LMBR1: variants seen among roughly 807,000 people sequenced by gnomAD.
The protein encoded by LMBR1 is limb region 1 protein homolog.
A neutral mutation model predicts 73.9 loss-of-function variants in LMBR1; 52 were observed. That is an observed-to-expected ratio of 0.70 (90% CI 0.56 to 0.89). The LOEUF is 0.89. Ranked by LOEUF, LMBR1 falls within the 40% of genes least tolerant of loss-of-function variation. The probability of loss-of-function intolerance (pLI) is 0.00; values close to 1 mark genes in which losing one functional copy is unlikely to be tolerated. For synonymous variants in LMBR1, 215 were observed against 209.4 expected (o/e 1.03, Z -0.23); for missense variants, 539 against 579.8 (o/e 0.93, Z 0.72).
At position 156,883,146 on chromosome 7, in the gene LMBR1, A is replaced by C. The variant is rs573380360; in HGVS notation, c.66+9782T>G. Among the ~76,000 whole-genome samples the C allele has an allele frequency of 1.8e-4, 28 of 152,304 alleles. 1 individual carries two copies. In the South Asian group the frequency reaches 1.9e-3, roughly 10 times the overall value. On this transcript the variant is annotated intron_variant, in intron 1 of 16. Transcript: ENST00000353442. ...CCATGCATGGTGGCTCACACCTGTAATCCCAGCACTTTGGGAAGCCAAGGC... is the reference window on the plus strand; with the variant it reads ...CCATGCATGGTGGCTCACACCTGTACTCCCAGCACTTTGGGAAGCCAAGGC...
At chr7:156,860,926 T>A (rs1563556594) in intron 1 of LMBR1, among the ~76,000 whole-genome samples, 1 of 152,206 alleles carries the variant, frequency 6.6e-6, no homozygotes, top group Admixed American at 6.5e-5. Context: ...TAGCCTTCTG[T>A]CTGCTTTCAC....
chr7:156,711,977 C>T (rs531095840), intron 15 of LMBR1, among the ~76,000 whole-genome samples: 8 of 152,218 alleles, frequency 5.3e-5, no homozygotes, highest in East Asian at 1.9e-4. Flanking sequence ...AAAGCACAGA[C>T]GACTAAAGCA....
At chr7:156,861,420 T>C (rs577092700) in intron 1 of LMBR1, among the ~76,000 whole-genome samples, 1 of 152,264 alleles carries the variant, frequency 6.6e-6, no homozygotes, top group Non-Finnish European at 1.5e-5. Flanking sequence ...AACCATTTTT[T>C]CATCCTAAAC....
At chr7:156,710,860 C>T (rs1301669398) in intron 15 of LMBR1, among the ~76,000 whole-genome samples, 1 of 152,146 alleles carries the variant, frequency 6.6e-6, no homozygotes, top group Non-Finnish European at 1.5e-5. Context: ...GATTGGGGTC[C>T]TTACCTGTAG....
Position 156,678,808 on chromosome 7 carries a change from A to C in LMBR1, c.*5270T>G, listed in dbSNP as rs1268814422. On this transcript the variant is annotated 3_prime_UTR_variant, in exon 17 of 17. Coordinates refer to ENST00000353442, the MANE Select transcript of LMBR1 (RefSeq NM_022458.4). ...ATGAAGCCACTTCTTGTGCCTTCTC[A>C]CACATCCCTTTTTGCCTTTAAATCC... The C allele has an allele frequency of 6.6e-6, 1 of 152,224 alleles. No homozygotes were observed. Among genetic ancestry groups the C allele is most frequent in the East Asian group, 1.9e-4 (1 of 5,192 alleles). The allele number at this position is 152,224 out of a possible 1,614,324, so 9.4% of individuals were successfully genotyped here.
At chr7:156,812,675 T>C (rs1456287450) in intron 4 of LMBR1, among the ~76,000 whole-genome samples, 1 of 152,190 alleles carries the variant, frequency 6.6e-6, no homozygotes, top group Non-Finnish European at 1.5e-5. Context: ...AGGGCCTTCA[T>C]TTGCCAAAAA....
chr7:156,691,020 TAA>T (rs775494994), intron 15 of LMBR1, among the ~76,000 whole-genome samples: 1 of 152,178 alleles, frequency 6.6e-6, no homozygotes, highest in Admixed American at 6.5e-5. Flanking sequence ...TTGACAAATG[TAA>T]AAGAGTTTTA....
Position 156,681,584 on chromosome 7 carries a change from C to T in LMBR1, c.*2494G>A, listed in dbSNP as rs1379053418. On this transcript the variant is annotated 3_prime_UTR_variant, in exon 17 of 17. Coordinates refer to ENST00000353442, the MANE Select transcript of LMBR1 (RefSeq NM_022458.4). Reference sequence around the variant, plus strand: ...ATTAATAAGAATCTGCAAGTTTTCCCCAAGAAACTCTGGAACCATAGTGCC... The same window carrying T: ...ATTAATAAGAATCTGCAAGTTTTCCTCAAGAAACTCTGGAACCATAGTGCC... 2 of 153,382 alleles carry T rather than the reference C, an allele frequency of 1.3e-5. No individual in the cohort carries two copies. The highest frequency in any genetic ancestry group is 4.8e-5 in the African/African-American group (2 of 41,430). 9.5% of individuals were successfully genotyped at this position (153,382 alleles called of 1,614,324 possible). A position where few individuals can be genotyped will look rare whatever the true frequency, so the allele number is the denominator to read the frequency against.
intron 4 of LMBR1, among the ~76,000 whole-genome samples, chr7:156,803,296 A>C (rs1432334786): frequency 6.6e-6 from 1 of 151,948 alleles, no homozygotes; most frequent in Non-Finnish European, 1.5e-5. Flanking sequence ...AACTCAAACA[A>C]ATTTACAGGA....
chr7:156,734,186 T>G lies in LMBR1; in HGVS notation c.829A>C (p.Thr277Pro). The change falls in exon 10 of 17, where the codon ACA becomes CCA. Residue 277 changes from threonine (T) to proline (P), a missense_variant. By Grantham distance (38) the Thr-to-Pro change is conservative. Coordinates refer to ENST00000353442, the MANE Select transcript of LMBR1 (RefSeq NM_022458.4). ...AAAAAAAGTACAATACCTAATTTTG[T>G]CTTAAGAGTCTTTACATTTTCAAGT... ...QELENVKTLKTKLERRKKASA... is the reference protein window; with the variant it reads ...QELENVKTLKPKLERRKKASA... 1 of 1,604,158 alleles carries G rather than the reference T, an allele frequency of 6.2e-7. No individual in the cohort carries two copies. Among genetic ancestry groups the G allele is most frequent in the Admixed American group, 1.7e-5 (1 of 58,424 alleles).
chr7:156,788,295 C>A (rs1828524666), intron 5 of LMBR1, among the ~76,000 whole-genome samples: 1 of 152,112 alleles, frequency 6.6e-6, no homozygotes, highest in South Asian at 2.1e-4. Flanking sequence ...CAGTTTTGAT[C>A]AGCCAAATAC....
At chr7:156,872,794 C>T (rs1040933282) in intron 1 of LMBR1, among the ~76,000 whole-genome samples, 1 of 152,186 alleles carries the variant, frequency 6.6e-6, no homozygotes, top group African/African-American at 2.4e-5. Context: ...GATTGCAGCT[C>T]CCACTCAGAC....
intron 4 of LMBR1, among the ~76,000 whole-genome samples, chr7:156,816,123 T>C (rs2133684397): frequency 6.6e-6 from 1 of 152,276 alleles, no homozygotes; most frequent in South Asian, 2.1e-4. Context: ...CTCTTCTGAC[T>C]AACCAATACA....
intron 5 of LMBR1, among the ~76,000 whole-genome samples, chr7:156,775,105 C>T (rs1055055251): frequency 2.0e-5 from 3 of 152,122 alleles, no homozygotes; most frequent in Admixed American, 6.5e-5. Context: ...CGGTGGCTCA[C>T]GCCTGTAATC....
chr7:156,789,397 A>C lies in LMBR1; in HGVS notation c.423+6992T>G, dbSNP rs552397917. Among the ~76,000 whole-genome samples the C allele has an allele frequency of 5.9e-5, 9 of 152,342 alleles. No homozygotes were observed. The South Asian group carries it at 1.9e-3, about 32-fold the overall frequency. ...TTAAGTCGTATCATGTTAGTGACTT[A>C]AGTTTTAAAGAAAAGTAGATTTATC... On this transcript the variant is annotated intron_variant, in intron 5 of 16. Transcript: ENST00000353442.
chr7:156,698,336 G>A (rs1026708316), intron 15 of LMBR1, among the ~76,000 whole-genome samples: 1 of 152,192 alleles, frequency 6.6e-6, no homozygotes, highest in Non-Finnish European at 1.5e-5. Context: ...GGAAGATGGT[G>A]GCCCTCTTCT....
At chr7:156,785,353 A>T (rs1827878010) in intron 5 of LMBR1, among the ~76,000 whole-genome samples, 4 of 152,164 alleles carry the variant, frequency 2.6e-5, no homozygotes, top group African/African-American at 9.7e-5. Flanking sequence ...AATTGTAAAA[A>T]TTAGAATATT....
In LMBR1 at chr7:156,738,666, G is replaced by A. The variant is rs537047953; in HGVS notation, c.758-4409C>T. Among the ~76,000 whole-genome samples the A allele has an allele frequency of 3.3e-5, 5 of 152,318 alleles. No homozygotes were observed. The East Asian group carries it at 9.7e-4, about 29-fold the overall frequency. On this transcript the variant is annotated intron_variant, in intron 9 of 16. Coordinates refer to ENST00000353442, the MANE Select transcript of LMBR1 (RefSeq NM_022458.4). ...AATAGGGTACTGGGCACAGTCATGA[G>A]GGCCCCATTCTAGGCCCTAGCTTCT... is the stretch of plus-strand genomic sequence containing the variant.
At chr7:156,671,172 A>T (rs961155166) in intron 4 of LMBR1, among the ~76,000 whole-genome samples, 1 of 152,248 alleles carries the variant, frequency 6.6e-6, no homozygotes, top group Admixed American at 6.5e-5. Flanking sequence ...AATTGAAAAG[A>T]GCAAAAATTA....
Sources: gnomAD v4.1 joint callset for allele counts (sites outside exome capture counted in the v4.1 genomes callset) on GRCh38, gnomAD v4.1.1 for gene constraint, MANE v1.5 for transcripts, NCBI Gene and HGNC (gene_info 2026-07-23, HGNC 2026-07-21) for gene names.